Variants in TGFBR2 observed in about 807,000 individuals in gnomAD.
TGFBR2 encodes transforming growth factor beta receptor 2.
TGFBR2 carries 18 observed loss-of-function variants against 49.0 expected under a neutral mutation model. The observed-to-expected ratio is 0.37, with a 90% CI of 0.25 to 0.54. The LOEUF (loss-of-function observed/expected upper bound fraction) is 0.54. TGFBR2 is among the 20% of genes least tolerant of loss of function. TGFBR2 has a pLI of 0.85. For synonymous variants in TGFBR2, 282 were observed against 275.9 expected (o/e 1.02, Z -0.22); for missense variants, 525 against 722.6 (o/e 0.73, Z 3.13).
chr3:30,673,619 A>G (rs531992578), intron 4 of TGFBR2, among the ~76,000 whole-genome samples: 14 of 152,238 alleles, frequency 9.2e-5, no homozygotes, highest in Non-Finnish European at 1.5e-4. Flanking sequence ...TATCCTTTGC[A>G]CACTGGAATG....
At chr3:30,659,491 A>G (rs1048750381) in intron 3 of TGFBR2, among the ~76,000 whole-genome samples, 1 of 152,086 alleles carries the variant, frequency 6.6e-6, no homozygotes, top group African/African-American at 2.4e-5. Context: ...GGAAGCTTAG[A>G]ATGTATTTGA....
intron 1 of TGFBR2, among the ~76,000 whole-genome samples, chr3:30,614,729 TA>T (rs1448997061): frequency 4.6e-5 from 7 of 152,182 alleles, no homozygotes; most frequent in African/African-American, 7.2e-5. Context: ...ATGCTTATTA[TA>T]AATCCTCCAG....
chr3:30,644,036 A>T (rs1698686609), intron 1 of TGFBR2, among the ~76,000 whole-genome samples: 1 of 152,094 alleles, frequency 6.6e-6, no homozygotes, highest in Non-Finnish European at 1.5e-5. Context: ...TGCGATCATA[A>T]CTCCAATGCC....
At chr3:30,678,201 A>G (rs1163433339) in intron 5 of TGFBR2, among the ~76,000 whole-genome samples, 1 of 152,126 alleles carries the variant, frequency 6.6e-6, no homozygotes, top group Non-Finnish European at 1.5e-5. Context: ...TGAAAGGCTT[A>G]TGATCTGACC....
intron 6 of TGFBR2, among the ~76,000 whole-genome samples, chr3:30,690,069 G>C (rs1699686811): frequency 2.0e-5 from 3 of 152,130 alleles, no homozygotes. Context: ...TAGGCTCCTA[G>C]GTGTGTTTGG....
At chr3:30,620,286 T>C (rs536505258) in intron 1 of TGFBR2, among the ~76,000 whole-genome samples, 1 of 152,368 alleles carries the variant, frequency 6.6e-6, no homozygotes, top group Admixed American at 6.5e-5. Context: ...AGATTCTCAC[T>C]AATTCTGTTT....
chr3:30,669,393 G>A (rs1699300830), intron 3 of TGFBR2, among the ~76,000 whole-genome samples: 1 of 152,098 alleles, frequency 6.6e-6, no homozygotes. Flanking sequence ...TAGGAGTGGA[G>A]GTTTAATAGG....
intron 1 of TGFBR2, among the ~76,000 whole-genome samples, chr3:30,627,271 C>T (rs1181517121): frequency 6.6e-6 from 1 of 152,076 alleles, no homozygotes. Flanking sequence ...TTTTCCTAGG[C>T]CTCCCTCATA....
intron 1 of TGFBR2, among the ~76,000 whole-genome samples, chr3:30,607,813 T>A (rs897725139): frequency 2.9e-5 from 4 of 137,794 alleles, no homozygotes; most frequent in Non-Finnish European, 4.6e-5. Context: ...TATATATATA[T>A]TATATATATA....
chr3:30,641,872 C>G (rs1370923449), intron 1 of TGFBR2, among the ~76,000 whole-genome samples: 1 of 152,024 alleles, frequency 6.6e-6, no homozygotes, highest in Non-Finnish European at 1.5e-5. Context: ...CTCTCTTTCT[C>G]TCTCCTCCCC....
At chr3:30,608,590 G>T (rs559587051) in intron 1 of TGFBR2, among the ~76,000 whole-genome samples, 40 of 152,040 alleles carry the variant, frequency 2.6e-4, no homozygotes, top group African/African-American at 9.6e-4. Flanking sequence ...TGCGCATCAC[G>T]GTCAGTTGTA....
At chr3:30,662,995 G>A (rs1456988945) in intron 3 of TGFBR2, among the ~76,000 whole-genome samples, 1 of 152,204 alleles carries the variant, frequency 6.6e-6, no homozygotes, top group East Asian at 1.9e-4. Flanking sequence ...CTAAGACTCT[G>A]CATTTCCAGT....
intron 1 of TGFBR2, among the ~76,000 whole-genome samples, chr3:30,612,632 A>G (rs1034434424): frequency 2.0e-4 from 31 of 152,210 alleles, no homozygotes; most frequent in African/African-American, 7.2e-4. Context: ...GGTAGGACTC[A>G]TGGTGGGTGA....
At chr3:30,607,799 A>AAAAATATAT (rs1367214755) in intron 1 of TGFBR2, among the ~76,000 whole-genome samples, 19 of 138,312 alleles carry the variant, frequency 1.4e-4, no homozygotes, top group African/African-American at 3.8e-4. Context: ...AAAATAAAAA[A>AAAAATATAT]ATATATATAT....
At chr3:30,613,483 G>C (rs552206833) in intron 1 of TGFBR2, among the ~76,000 whole-genome samples, 9 of 151,928 alleles carry the variant, frequency 5.9e-5, no homozygotes, top group Non-Finnish European at 1.2e-4. Flanking sequence ...TCTGCACGAG[G>C]GTTGTTTAAG....
At chr3:30,615,461 T>C (rs1249208462) in intron 1 of TGFBR2, among the ~76,000 whole-genome samples, 1 of 152,226 alleles carries the variant, frequency 6.6e-6, no homozygotes, top group Non-Finnish European at 1.5e-5. Context: ...TTACCTGTAA[T>C]GAATTATGAA....
chr3:30,674,230 C>G lies in TGFBR2; in HGVS notation c.1380C>G (p.Arg460=), dbSNP rs1189258970. ...MALVLWEMTS[R]CNAVGEVKDY... is the part of the protein sequence containing the mutation. Reference sequence around the variant, plus strand: ...TGGTGCTCTGGGAAATGACATCTCGCTGTAATGCAGTGGGAGGTAGGTGTG... The same window carrying G: ...TGGTGCTCTGGGAAATGACATCTCGGTGTAATGCAGTGGGAGGTAGGTGTG... Residue 460 remains arginine (R), a synonymous_variant, in exon 5 of 7, where the codon CGC becomes CGG. Coordinates refer to ENST00000295754, the MANE Select transcript of TGFBR2 (RefSeq NM_003242.6). The G allele has an allele frequency of 3.1e-6, 5 of 1,614,122 alleles. No homozygotes were observed. Among genetic ancestry groups the G allele is most frequent in the Non-Finnish European group, 4.2e-6 (5 of 1,180,002 alleles).
chr3:30,648,999 C>T (rs1698828375), intron 2 of TGFBR2, among the ~76,000 whole-genome samples: 1 of 152,152 alleles, frequency 6.6e-6, no homozygotes, highest in African/African-American at 2.4e-5. Flanking sequence ...TCTAGCCTGC[C>T]TTCCGTTTTC....
upstream of TGFBR2, chr3:30,606,599 T>A: frequency 2.9e-6 from 1 of 341,560 alleles, no homozygotes; most frequent in South Asian, 1.5e-4. Flanking sequence ...GTTGAGTGAG[T>A]CACTCGCGCG....
Sources: allele counts gnomAD v4.1 joint callset (sites outside exome capture counted in the v4.1 genomes callset), GRCh38; gene constraint gnomAD v4.1.1; transcripts MANE v1.5; gene names NCBI Gene and HGNC (gene_info 2026-07-23, HGNC 2026-07-21).